FER: variants seen among roughly 807,000 people sequenced by gnomAD.
FER encodes tyrosine-protein kinase Fer.
FER carries 63 observed loss-of-function variants against 111.0 expected under a neutral mutation model. The observed-to-expected ratio is 0.57, with a 90% confidence interval of 0.46 to 0.70. The LOEUF (loss-of-function observed/expected upper bound fraction) is 0.70. Among genes scored for constraint, FER ranks in the 30% least tolerant of loss-of-function variants. The pLI is 0.00. For synonymous variants in FER, 327 were observed against 313.9 expected (o/e 1.04, Z -0.44); for missense variants, 914 against 954.0 (o/e 0.96, Z 0.55).
chr5:108,790,283 A>G (rs912529715), intron 2 of FER, among the ~76,000 whole-genome samples: 3 of 148,798 alleles, frequency 2.0e-5, no homozygotes, highest in African/African-American at 7.6e-5. Context: ...ACTCTTACAT[A>G]CATATACATA....
chr5:108,764,705 A>G (rs1262412288), intron 1 of FER, among the ~76,000 whole-genome samples: 2 of 152,232 alleles, frequency 1.3e-5, no homozygotes, highest in African/African-American at 4.8e-5. Context: ...CCGTGGAAAC[A>G]TAATTTTAAA....
At chr5:109,071,034 AT>A (rs1775706019) in intron 16 of FER, among the ~76,000 whole-genome samples, 1 of 152,072 alleles carries the variant, frequency 6.6e-6, no homozygotes, top group Non-Finnish European at 1.5e-5. Context: ...ATAATTGTGA[AT>A]GTTCCAAATT....
chr5:108,860,056 C>T (rs941111354), intron 5 of FER, among the ~76,000 whole-genome samples: 9 of 151,658 alleles, frequency 5.9e-5, no homozygotes, highest in Admixed American at 5.9e-4. Flanking sequence ...ATTGTCCTGC[C>T]TCAGCCTCCC....
chr5:109,086,363 A>G (rs146491195), intron 16 of FER, among the ~76,000 whole-genome samples: 1 of 151,796 alleles, frequency 6.6e-6, no homozygotes, highest in African/African-American at 2.4e-5. Context: ...GGGCCTGTAA[A>G]GATGTTTCAT....
intron 5 of FER, among the ~76,000 whole-genome samples, chr5:108,843,519 G>T (rs1052793565): frequency 1.4e-4 from 21 of 151,062 alleles, no homozygotes; most frequent in African/African-American, 5.1e-4. Context: ...TCAAGCCATT[G>T]AAAGTTGAAT....
intron 9 of FER, 138 bp from the exon 10 acceptor site, chr5:108,897,521 C>T (rs1476104067): frequency 3.4e-6 from 2 of 588,900 alleles, no homozygotes; most frequent in East Asian, 6.6e-5. Context: ...AACTTAAAAT[C>T]TGCTTAGTTT....
chr5:109,094,804 G>A (rs542107158), intron 16 of FER, among the ~76,000 whole-genome samples: 2 of 152,162 alleles, frequency 1.3e-5, no homozygotes, highest in African/African-American at 4.8e-5. Context: ...CAAAATCACC[G>A]CCTTAAAAAT....
At chr5:108,882,087 G>C (rs1170932593) in intron 8 of FER, among the ~76,000 whole-genome samples, 1 of 151,936 alleles carries the variant, frequency 6.6e-6, no homozygotes. Context: ...TAAATATTTT[G>C]TAGTTTTTTG....
At chr5:109,135,310 C>T (rs1455173484) in intron 17 of FER, among the ~76,000 whole-genome samples, 1 of 152,106 alleles carries the variant, frequency 6.6e-6, no homozygotes, top group Non-Finnish European at 1.5e-5. Context: ...ATTATTCTTC[C>T]ATTTTTACAG....
intron 1 of FER, among the ~76,000 whole-genome samples, chr5:108,748,799 C>G (rs545411879): frequency 1.1e-4 from 16 of 152,212 alleles, no homozygotes; most frequent in African/African-American, 3.9e-4. Flanking sequence ...GAGGAGGGGG[C>G]TGAGGGCCGG....
At chr5:109,057,226 T>C (rs1561837908) in intron 16 of FER, among the ~76,000 whole-genome samples, 1 of 152,134 alleles carries the variant, frequency 6.6e-6, no homozygotes, top group Non-Finnish European at 1.5e-5. Flanking sequence ...CTTAAGAAAT[T>C]AGAATAAGAG....
intron 16 of FER, among the ~76,000 whole-genome samples, chr5:109,073,744 C>T (rs1776022785): frequency 6.6e-6 from 1 of 151,978 alleles, no homozygotes; most frequent in Admixed American, 6.6e-5. Context: ...CTGCAGTGGG[C>T]CCTGCAGAAC....
chr5:108,999,809 A>G (rs372854946), intron 13 of FER, among the ~76,000 whole-genome samples: 1 of 150,402 alleles, frequency 6.6e-6, no homozygotes, highest in African/African-American at 2.4e-5. Flanking sequence ...TCCTGTGTGT[A>G]TTAGCTCTTC....
chr5:109,180,686 A>G, intron 17 of FER, 61 bp from the exon 18 acceptor site: 1 of 1,524,706 alleles, frequency 6.6e-7, no homozygotes, highest in Non-Finnish European at 8.8e-7. Context: ...GGAAATCATA[A>G]ATGTGAAAGT....
At chr5:108,876,578 T>C (rs1419460932) in intron 8 of FER, among the ~76,000 whole-genome samples, 1 of 152,236 alleles carries the variant, frequency 6.6e-6, no homozygotes, top group African/African-American at 2.4e-5. Context: ...TTTTAAGGCA[T>C]AGCAGAATGT....
chr5:108,965,670 A>G (rs1478356514), intron 13 of FER, among the ~76,000 whole-genome samples: 2 of 152,146 alleles, frequency 1.3e-5, no homozygotes, highest in East Asian at 3.9e-4. Context: ...TCTATTCATC[A>G]TCTTTTAATT....
chr5:109,021,021 C>G (rs544172400), intron 13 of FER, among the ~76,000 whole-genome samples: 1 of 152,006 alleles, frequency 6.6e-6, no homozygotes, highest in African/African-American at 2.4e-5. Flanking sequence ...CCTTTAAATT[C>G]AAGTTATTTT....
At chr5:109,032,800 ATC>A (rs1209321028) in intron 13 of FER, among the ~76,000 whole-genome samples, 2 of 152,346 alleles carry the variant, frequency 1.3e-5, no homozygotes, top group Non-Finnish European at 2.9e-5. Flanking sequence ...TATCTCCAGA[ATC>A]TCTCTAAAAT....
intron 3 of FER, among the ~76,000 whole-genome samples, chr5:108,831,560 C>T (rs1035156373): frequency 2.6e-5 from 4 of 152,058 alleles, no homozygotes; most frequent in African/African-American, 9.7e-5. Context: ...ACATATGTTC[C>T]ATGTTCATCA....
Sources: allele counts gnomAD v4.1 joint callset (sites outside exome capture counted in the v4.1 genomes callset), GRCh38; gene constraint gnomAD v4.1.1; transcripts MANE v1.5; gene names NCBI Gene and HGNC (gene_info 2026-07-23, HGNC 2026-07-21).